Variants in BOK observed in about 807,000 individuals in gnomAD.
BOK encodes the protein BCL2 family apoptosis regulator BOK.
A neutral mutation model predicts 18.3 loss-of-function variants in BOK; 20 were observed. The observed-to-expected ratio is 1.09, with a 90% CI of 0.77 to 1.59. The LOEUF (loss-of-function observed/expected upper bound fraction) is 1.59, where lower values mean the gene tolerates loss of function less well. Ranked by LOEUF, BOK falls within the 40% of genes most tolerant of loss-of-function variation. The probability of loss-of-function intolerance (pLI) is 0.00; values close to 1 mark genes in which losing one functional copy is unlikely to be tolerated. For synonymous variants in BOK, 173 were observed against 142.4 expected, an observed-to-expected ratio of 1.21 and a Z score of -1.53; for missense variants, 348 against 307.9, an observed-to-expected ratio of 1.13 and a Z score of -0.97.
Position 241,562,124 on chromosome 2 carries a change from C to A in BOK, c.221-224C>A, listed in dbSNP as rs1246738786. ...CGTCAGAGGGGCGGGACTGGGGGCGCCTTCAGTACTTCCTTGGTCTTCTGG... is the reference window on the plus strand; with the variant it reads ...CGTCAGAGGGGCGGGACTGGGGGCGACTTCAGTACTTCCTTGGTCTTCTGG... On this transcript the variant is annotated intron_variant, in intron 2 of 4. Transcript: ENST00000318407. The surrounding 1 kb of genome is among the most constrained non-coding windows in gnomAD (Gnocchi z 4.5). Among the ~76,000 whole-genome samples, 1 of 152,224 alleles carries A rather than the reference C, an allele frequency of 6.6e-6. No homozygotes were observed. The highest frequency in any genetic ancestry group is 1.5e-5 in the Non-Finnish European group (1 of 68,034).
intron 1 of BOK, among the ~76,000 whole-genome samples, 198 bp from the exon 2 acceptor site, chr2:241,559,257 G>T (rs2066485547): frequency 6.6e-6 from 1 of 151,778 alleles, no homozygotes; most frequent in Non-Finnish European, 1.5e-5. Flanking sequence ...GTCCCTGGCA[G>T]CCTCGGGGAA....
At chr2:241,570,386 G>A in intron 4 of BOK, 98 bp downstream of exon 4, 1 of 995,172 alleles carries the variant, frequency 1.0e-6, no homozygotes, top group Admixed American at 3.3e-5. Flanking sequence ...GAGCGCCTGG[G>A]GGGTGGGAGA....
Position 241,572,659 on chromosome 2 carries a change from C to T in BOK, c.*237C>T, listed in dbSNP as rs1040932362. The T allele has an allele frequency of 1.8e-5, 11 of 601,052 alleles. No individual in the cohort carries two copies. The highest frequency in any genetic ancestry group is 2.9e-5 in the Non-Finnish European group (10 of 343,572). 37.2% of individuals were successfully genotyped at this position (601,052 alleles called of 1,614,324 possible). A position where few individuals can be genotyped will look rare whatever the true frequency, so the allele number is the denominator to read the frequency against. ...CCTGCGACCCTCCCCGCTTGTGTCC[C>T]TTCTCCTGTGATCTCTGTGTTTTCC... On this transcript the variant is annotated 3_prime_UTR_variant, in exon 5 of 5. Coordinates refer to ENST00000318407, the MANE Select transcript of BOK (RefSeq NM_032515.5).
At chr2:241,561,204 G>C (rs1322483042) in intron 2 of BOK, among the ~76,000 whole-genome samples, 1 of 152,254 alleles carries the variant, frequency 6.6e-6, no homozygotes, top group Non-Finnish European at 1.5e-5. Context: ...CTGGAGAACT[G>C]GCCGGGCTGC....
At chr2:241,558,093 A>G (rs569630721), upstream of BOK, among the ~76,000 whole-genome samples, 1 of 146,018 alleles carries the variant, frequency 6.8e-6, no homozygotes, top group Non-Finnish European at 1.5e-5. Flanking sequence ...CAGCTGATTT[A>G]TGTTGAGATG....
chr2:241,552,013 G>A (rs917076777), intron 1 of BOK, among the ~76,000 whole-genome samples: 7 of 152,226 alleles, frequency 4.6e-5, no homozygotes, highest in Non-Finnish European at 8.8e-5. Context: ...AGTAATCTTC[G>A]AGGAGCGGGA....
chr2:241,572,475 G>GCT lies in BOK; in HGVS notation c.*54_*55insTC. 6.4e-7 allele frequency: 1 copy of GCT among 1,564,524 alleles called. No homozygotes were observed. The highest frequency in any genetic ancestry group is 8.6e-7 in the Non-Finnish European group (1 of 1,161,776). ...TGGCCCTCTGGGCCCAACGCAGGAGGCCCTCAGCACCCGAACACATCTTCC... is the reference window on the plus strand; with the variant it reads ...TGGCCCTCTGGGCCCAACGCAGGAGGCTCCCTCAGCACCCGAACACATCTTCC... On this transcript the variant is annotated 3_prime_UTR_variant, in exon 5 of 5. Coordinates refer to ENST00000318407, the MANE Select transcript of BOK (RefSeq NM_032515.5).
Position 241,559,754 on chromosome 2 carries a change from C to T in BOK, c.220+51C>T. 1.6e-6 allele frequency: 2 copies of T among 1,276,244 alleles called. 1 individual carries two copies. The highest frequency in any genetic ancestry group is 2.0e-6 in the Non-Finnish European group (2 of 1,012,778). The allele number at this position is 1,276,244 out of a possible 1,614,324, so 79.1% of individuals were successfully genotyped here. ...AGCTGCGCCTCCTCCCCTGCTGGGC[C>T]GCAGCCTCCCTCCGAGGCCGAGATG... On this transcript the variant is annotated intron_variant, in intron 2 of 4. Coordinates refer to ENST00000318407, the MANE Select transcript of BOK (RefSeq NM_032515.5).
chr2:241,564,196 C>G (rs1265988304), intron 3 of BOK, among the ~76,000 whole-genome samples: 1 of 152,220 alleles, frequency 6.6e-6, no homozygotes, highest in Non-Finnish European at 1.5e-5. Context: ...CAGGCGGGGT[C>G]TGGTCCTGCC....
intron 3 of BOK, 135 bp from the exon 4 acceptor site, chr2:241,569,990 G>C (rs1311188274): frequency 8.7e-7 from 1 of 1,144,108 alleles, no homozygotes; most frequent in African/African-American, 1.6e-5. Context: ...TCAGGGAGCG[G>C]TCCCCCCTTG....
chr2:241,559,763 C>T, intron 2 of BOK, 60 bp downstream of exon 2: 8 of 1,271,110 alleles, frequency 6.3e-6, no homozygotes, highest in Non-Finnish European at 6.9e-6. Context: ...CCGCAGCCTC[C>T]CTCCGAGGCC....
chr2:241,559,310 G>C, intron 1 of BOK, 145 bp from the exon 2 acceptor site: 1 of 422,494 alleles, frequency 2.4e-6, no homozygotes, highest in Non-Finnish European at 3.9e-6. Context: ...GTGGCGCTGG[G>C]TTTTTAAAGA....
At position 241,562,644 on chromosome 2, in the gene BOK, G is replaced by T. The variant is rs995761761; in HGVS notation, c.349+168G>T. ...TCAGGAGCTGCCCAGCCACCAGCGT[G>T]GGCTCAAACCACAGCATTCAGGGTC... On this transcript the variant is annotated intron_variant, in intron 3 of 4. Coordinates refer to ENST00000318407, the MANE Select transcript of BOK (RefSeq NM_032515.5). The surrounding 1 kb of genome is among the most constrained non-coding windows in gnomAD (Gnocchi z 4.5). 6.6e-6 allele frequency among the ~76,000 whole-genome samples: 1 copy of T among 152,214 alleles called. No homozygotes were observed. Among genetic ancestry groups the T allele is most frequent in the Admixed American group, 6.5e-5 (1 of 15,288 alleles).
At position 241,559,699 on chromosome 2, in the gene BOK, C is replaced by G. The variant is rs969076150; in HGVS notation, c.216C>G (p.Arg72=). 6 of 1,319,086 alleles carry G rather than the reference C, an allele frequency of 4.5e-6. No homozygotes were observed. The highest frequency in any genetic ancestry group is 4.1e-5 in the Admixed American group (1 of 24,126). The allele number at this position is 1,319,086 out of a possible 1,614,324, so 81.7% of individuals were successfully genotyped here. Reference sequence around the variant, plus strand: ...CTGAGGTGTGCGCGGTGCTGCTGCGCCTGGGTGAGTGCGCCCTGGTGGGAT... The same window carrying G: ...CTGAGGTGTGCGCGGTGCTGCTGCGGCTGGGTGAGTGCGCCCTGGTGGGAT... ...RLAEVCAVLL[R]LGDELEMIRP... Residue 72 remains arginine, a synonymous_variant, in exon 2 of 5, where the codon CGC becomes CGG. Coordinates refer to ENST00000318407, the MANE Select transcript of BOK (RefSeq NM_032515.5).
rs577111110 is a variant in BOK, at chr2:241,566,456, G to A, written c.350-3669G>A. Among the ~76,000 whole-genome samples the A allele has an allele frequency of 2.0e-4, 30 of 151,558 alleles. 1 individual carries two copies. The South Asian group carries it at 5.7e-3, about 29-fold the overall frequency. On this transcript the variant is annotated intron_variant, in intron 3 of 4. Coordinates refer to ENST00000318407, the MANE Select transcript of BOK (RefSeq NM_032515.5). ...TGGGATTACAGGTATGTGCCACCAC[G>A]CCTAGCTAATTTTTGTATTGTTAGT...
At chr2:241,566,919 A>G (rs560540020) in intron 3 of BOK, among the ~76,000 whole-genome samples, 3 of 134,422 alleles carry the variant, frequency 2.2e-5, no homozygotes, top group Admixed American at 7.5e-5. Flanking sequence ...CTAGAATTAG[A>G]TAGAGGTGAT....
In BOK at chr2:241,562,128, C is replaced by G. The variant is rs1408304676; in HGVS notation, c.221-220C>G. Among the ~76,000 whole-genome samples the G allele has an allele frequency of 2.6e-5, 4 of 152,216 alleles. No homozygotes were observed. The highest frequency in any genetic ancestry group is 5.9e-5 in the Non-Finnish European group (4 of 68,016). Reference sequence around the variant, plus strand: ...AGAGGGGCGGGACTGGGGGCGCCTTCAGTACTTCCTTGGTCTTCTGGTCCC... The same window carrying G: ...AGAGGGGCGGGACTGGGGGCGCCTTGAGTACTTCCTTGGTCTTCTGGTCCC... On this transcript the variant is annotated intron_variant, in intron 2 of 4. Transcript: ENST00000318407. The surrounding 1 kb of genome is among the most constrained non-coding windows in gnomAD (Gnocchi z 4.5).
chr2:241,569,586 T>TTTTCTCGCTCGTG (rs2066673345), intron 3 of BOK, among the ~76,000 whole-genome samples: 1 of 152,254 alleles, frequency 6.6e-6, no homozygotes, highest in Non-Finnish European at 1.5e-5. Context: ...AAAGCCTCTC[T>TTTTCTCGCTCGTG]TTTCTCGCTC....
intron 1 of BOK, among the ~76,000 whole-genome samples, chr2:241,553,574 G>C (rs1395596902): frequency 6.6e-6 from 1 of 152,246 alleles, no homozygotes; most frequent in Non-Finnish European, 1.5e-5. Context: ...AGAGGAAAGA[G>C]ACGTGTCTTA....
Sources: gnomAD v4.1 joint callset for allele counts (sites outside exome capture counted in the v4.1 genomes callset) on GRCh38, gnomAD v4.1.1 for gene constraint, Gnocchi (gnomAD v3.1) non-coding constraint, MANE v1.5 for transcripts, NCBI Gene and HGNC (gene_info 2026-07-23, HGNC 2026-07-21) for gene names.